The following CEP192 variants were observed in gnomAD, a reference collection of about 807,000 sequenced individuals.
CEP192 encodes the protein centrosomal protein 192.
CEP192 carries 151 observed loss-of-function variants against 271.8 expected under a neutral mutation model. The observed-to-expected ratio is 0.56, with a 90% confidence interval of 0.49 to 0.64. The LOEUF is 0.64. Ranked by LOEUF, CEP192 falls within the 30% of genes least tolerant of loss-of-function variation. The pLI, the probability that CEP192 is intolerant of heterozygous loss-of-function variation, is 0.00. For synonymous variants in CEP192, 995 were observed against 1,076.5 expected (o/e 0.92, Z 1.48); for missense variants, 2,910 against 3,020.5 (o/e 0.96, Z 0.86).
In CEP192 at chr18:13,056,272, A is replaced by G. The variant is rs758019949; in HGVS notation, c.3682A>G (p.Ile1228Val). The change falls in exon 19 of 45, where the codon ATT becomes GTT. Residue 1228 changes from isoleucine (I) to valine (V), a missense_variant. Ile to Val is a conservative substitution (Grantham distance 29, BLOSUM62 3). Coordinates refer to ENST00000506447, the MANE Select transcript of CEP192 (RefSeq NM_032142.4). ...QTTSENQCTP[I>V]PSSTVHSSVA... ...CACCTCTGAAAACCAGTGTACTCCT[A>G]TTCCCAGCAGCACAGTTCACAGCTC... is the stretch of plus-strand genomic sequence containing the variant. The G allele has an allele frequency of 1.2e-6, 2 of 1,613,964 alleles. No individual in the cohort carries two copies.
intron 44 of CEP192, among the ~76,000 whole-genome samples, chr18:13,123,110 A>AT (rs977877604): frequency 5.9e-5 from 9 of 152,110 alleles, no homozygotes; most frequent in African/African-American, 1.9e-4. Context: ...TCTTCCAGAG[A>AT]TTTTTTTGGG....
intron 30 of CEP192, among the ~76,000 whole-genome samples, chr18:13,077,322 C>T (rs528427852): frequency 6.6e-6 from 1 of 152,248 alleles, no homozygotes; most frequent in East Asian, 1.9e-4. Flanking sequence ...CAACATGATG[C>T]TCAAAGGAAA....
At chr18:13,086,057 C>T (rs2038882733) in intron 30 of CEP192, among the ~76,000 whole-genome samples, 1 of 152,144 alleles carries the variant, frequency 6.6e-6, no homozygotes, top group Non-Finnish European at 1.5e-5. Flanking sequence ...TCTCTTACTT[C>T]TTTGAGCAGT....
In CEP192 at chr18:13,097,890, TC is replaced by T. The variant is rs1248530200; in HGVS notation, c.6557+1584del. Reference sequence around the variant, plus strand: ...TCAAGCATCTGTTTAGCAAAGCACATCTTGCACCACCCTTAATCCATTCAAC... The same window carrying T: ...TCAAGCATCTGTTTAGCAAAGCACATTTGCACCACCCTTAATCCATTCAAC... On this transcript the variant is annotated intron_variant, in intron 36 of 44. Coordinates refer to ENST00000506447, the MANE Select transcript of CEP192 (RefSeq NM_032142.4). Among the ~76,000 whole-genome samples the T allele has an allele frequency of 4.6e-5, 7 of 152,296 alleles. No homozygotes were observed. The South Asian group carries it at 1.5e-3, about 32-fold the overall frequency.
Position 13,017,180 on chromosome 18 carries a change from A to T in CEP192, c.641-8A>T, listed in dbSNP as rs1337505470. ...GCATGTCCTGTTTTTTCTCGATTTT[A>T]TCAATAGATGATGATATTGATGATG... On this transcript the variant is annotated splice_region_variant and splice_polypyrimidine_tract_variant and intron_variant, in intron 6 of 44. Coordinates refer to ENST00000506447, the MANE Select transcript of CEP192 (RefSeq NM_032142.4). 3 of 1,530,622 alleles carry T rather than the reference A, an allele frequency of 2.0e-6. No individual in the cohort carries two copies. Among genetic ancestry groups the T allele is most frequent in the Admixed American group, 2.1e-5 (1 of 46,842 alleles). 94.8% of individuals were successfully genotyped at this position (1,530,622 alleles called of 1,614,324 possible). A position where few individuals can be genotyped will look rare whatever the true frequency, so the allele number is the denominator to read the frequency against.
Position 13,056,591 on chromosome 18 carries a change from A to T in CEP192, c.4001A>T (p.Asn1334Ile), listed in dbSNP as rs760151022. 9 of 1,614,070 alleles carry T rather than the reference A, an allele frequency of 5.6e-6. No homozygotes were observed. The Admixed American group carries it at 1.5e-4, about 27-fold the overall frequency. The change falls in exon 19 of 45, where the codon AAT (asparagine) becomes ATT (isoleucine). Residue 1334 changes from asparagine to isoleucine, a missense_variant. Asn to Ile is a moderately radical substitution (Grantham distance 149). Coordinates refer to ENST00000506447, the MANE Select transcript of CEP192 (RefSeq NM_032142.4). ...GTSSLCNPYS[N>I]TLNQNLLSTT... ...TCTTCCCTCTGTAACCCATATTCTAATACCTTAAATCAGAACCTGCTAAGC... is the reference window on the plus strand; with the variant it reads ...TCTTCCCTCTGTAACCCATATTCTATTACCTTAAATCAGAACCTGCTAAGC...
At chr18:13,093,172 C>CA (rs1014355822) in intron 34 of CEP192, among the ~76,000 whole-genome samples, 3 of 151,794 alleles carry the variant, frequency 2.0e-5, no homozygotes, top group Non-Finnish European at 4.4e-5. Context: ...CAAAACAAAA[C>CA]AAAAAAACAC....
intron 2 of CEP192, among the ~76,000 whole-genome samples, chr18:13,000,091 C>CTTTTT (rs775544715): frequency 1.0e-3 from 79 of 76,708 alleles, no homozygotes; most frequent in African/African-American, 1.2e-3. Context: ...TGTCTTCTCT[C>CTTTTT]TTTTTTTTTT....
At chr18:13,040,320 T>C (rs923576033) in intron 13 of CEP192, among the ~76,000 whole-genome samples, 2 of 152,224 alleles carry the variant, frequency 1.3e-5, no homozygotes, top group African/African-American at 4.8e-5. Context: ...ATTTAATGAG[T>C]TCACATTTTA....
chr18:13,001,434 TAAAAC>T lies in CEP192; in HGVS notation c.165-19_165-15del. 6.7e-7 allele frequency: 1 copy of T among 1,500,744 alleles called. No homozygotes were observed. Among genetic ancestry groups the T allele is most frequent in the South Asian group, 1.2e-5 (1 of 81,468 alleles). 93.0% of individuals were successfully genotyped at this position (1,500,744 alleles called of 1,614,324 possible). ...TATGTGTAATTTAATTCTTAACAAT[TAAAAC>T]AAATTTTTTTTGTATAGGTATCCTG... On this transcript the variant is annotated intron_variant, in intron 2 of 44. Coordinates refer to ENST00000506447, the MANE Select transcript of CEP192 (RefSeq NM_032142.4).
At chr18:13,072,319 A>G (rs1019796424) in intron 28 of CEP192, among the ~76,000 whole-genome samples, 1 of 152,210 alleles carries the variant, frequency 6.6e-6, no homozygotes, top group African/African-American at 2.4e-5. Context: ...TATACTGTGT[A>G]AAAGACTACT....
chr18:13,101,583 C>T (rs1453333954), intron 38 of CEP192, among the ~76,000 whole-genome samples: 1 of 152,124 alleles, frequency 6.6e-6, no homozygotes, highest in Non-Finnish European at 1.5e-5. Context: ...GTCGGGGGAC[C>T]TGTTAGAGAG....
chr18:13,061,002 A>T (rs1312205274), intron 21 of CEP192, among the ~76,000 whole-genome samples: 1 of 151,974 alleles, frequency 6.6e-6, no homozygotes, highest in Non-Finnish European at 1.5e-5. Flanking sequence ...CACTTAACAG[A>T]TGTTACTGAT....
intron 35 of CEP192, among the ~76,000 whole-genome samples, 185 bp from the exon 36 acceptor site, chr18:13,095,999 C>T (rs930631248): frequency 1.3e-5 from 2 of 151,934 alleles, no homozygotes; most frequent in African/African-American, 2.4e-5. Context: ...CAAGCAGTGA[C>T]GATTTCCAGG....
chr18:13,070,869 G>A (rs2037975224), intron 27 of CEP192, among the ~76,000 whole-genome samples, 170 bp from the exon 28 acceptor site: 1 of 152,228 alleles, frequency 6.6e-6, no homozygotes, highest in South Asian at 2.1e-4. Context: ...AGATGCCATT[G>A]TGATCATCTC....
chr18:13,098,484 C>A (rs1248121353), intron 36 of CEP192, among the ~76,000 whole-genome samples: 2 of 149,260 alleles, frequency 1.3e-5, no homozygotes, highest in Non-Finnish European at 3.0e-5. Context: ...GGCAGAGACG[C>A]TCCTCACCTC....
intron 38 of CEP192, among the ~76,000 whole-genome samples, chr18:13,102,816 G>A (rs191561471): frequency 3.2e-4 from 49 of 152,294 alleles, no homozygotes; most frequent in Middle Eastern, 6.8e-3. Context: ...GCGCGATGAT[G>A]GCCTGTAGCC....
chr18:13,038,609 C>G, intron 13 of CEP192, 30 bp downstream of exon 13: 1 of 1,475,882 alleles, frequency 6.8e-7, no homozygotes, highest in Non-Finnish European at 9.3e-7. Context: ...GAAGTGCTCA[C>G]AGTCACCAGA....
intron 30 of CEP192, among the ~76,000 whole-genome samples, chr18:13,077,074 T>A (rs2038330732): frequency 6.6e-6 from 1 of 152,200 alleles, no homozygotes; most frequent in African/African-American, 2.4e-5. Flanking sequence ...TGAGCCACTG[T>A]GCCAAGCCTG....
Sources: allele counts gnomAD v4.1 joint callset (sites outside exome capture counted in the v4.1 genomes callset), GRCh38; gene constraint gnomAD v4.1.1; transcripts MANE v1.5; gene names NCBI Gene and HGNC (gene_info 2026-07-23, HGNC 2026-07-21).